The following CCR7 variants were observed in gnomAD, a reference collection of about 807,000 sequenced individuals.
The protein encoded by CCR7 is C-C motif chemokine receptor 7.
In CCR7, 11 loss-of-function variants were observed where a neutral mutation model predicts 26.0. The ratio of observed to expected loss-of-function variants is 0.42; its 90% CI spans 0.27 to 0.70. The LOEUF is 0.70. Ranked by LOEUF, CCR7 falls within the 30% of genes least tolerant of loss-of-function variation. The probability of loss-of-function intolerance (pLI) is 0.23; values close to 1 mark genes in which losing one functional copy is unlikely to be tolerated. For synonymous variants in CCR7, 189 were observed against 202.1 expected, an observed-to-expected ratio of 0.94 and a Z score of 0.55; for missense variants, 360 against 504.0, an observed-to-expected ratio of 0.71 and a Z score of 2.74.
At chr17:40,564,746 C>A (rs1241349376) in intron 1 of CCR7, among the ~76,000 whole-genome samples, 2 of 152,190 alleles carry the variant, frequency 1.3e-5, no homozygotes, top group Non-Finnish European at 2.9e-5. Context: ...AGCTGAGTGC[C>A]CCTTGCCATC....
rs1389241898 is a variant in CCR7 at position 40,554,720 on chromosome 17, C to G, written c.*22G>C. 6.4e-7 allele frequency: 1 copy of G among 1,568,312 alleles called. No homozygotes were observed. The highest frequency in any genetic ancestry group is 1.4e-5 in the African/African-American group (1 of 73,652). ...CCCAGGGACCCTGGGAGAGGTCCCT[C>G]TAGTCCAGGCAGAAGAGTCGCCTAT... On this transcript the variant is annotated 3_prime_UTR_variant, in exon 3 of 3. Coordinates refer to ENST00000246657, the MANE Select transcript of CCR7 (RefSeq NM_001838.4).
rs2036558632 is a variant in CCR7, at chr17:40,554,711, G to A, written c.*31C>T. ...TATCCCCACCCCAGGGACCCTGGGA[G>A]AGGTCCCTCTAGTCCAGGCAGAAGA... On this transcript the variant is annotated 3_prime_UTR_variant, in exon 3 of 3. Transcript: ENST00000246657. 4 of 1,503,498 alleles carry A rather than the reference G, an allele frequency of 2.7e-6. No individual in the cohort carries two copies. In the African/African-American group the frequency reaches 5.6e-5, roughly 21 times the overall value. The allele number at this position is 1,503,498 out of a possible 1,614,324, so 93.1% of individuals were successfully genotyped here.
In CCR7 at chr17:40,565,436, C is replaced by G; in HGVS notation, c.-27G>C. The G allele has an allele frequency of 6.2e-7, 1 of 1,612,834 alleles. No individual in the cohort carries two copies. Among genetic ancestry groups the G allele is most frequent in the Non-Finnish European group, 8.5e-7 (1 of 1,178,844 alleles). Reference sequence around the variant, plus strand: ...ACGCTCTCTGGGCGGTAAAACCACACAGGAAGGCTGTGCCCGGCCTCGCAC... The same window carrying G: ...ACGCTCTCTGGGCGGTAAAACCACAGAGGAAGGCTGTGCCCGGCCTCGCAC... On this transcript the variant is annotated 5_prime_UTR_variant, in exon 1 of 3. Coordinates refer to ENST00000246657, the MANE Select transcript of CCR7 (RefSeq NM_001838.4).
In CCR7 at chr17:40,555,354, G is replaced by A. The variant is rs2036572004; in HGVS notation, c.525C>T (p.Ser175=). The change falls in exon 3 of 3, where the codon AGC becomes AGT. Residue 175 remains serine (S), a synonymous_variant. Transcript: ENST00000246657. This position sits in a 1 kb window ranked among gnomAD's most constrained non-coding sequence, Gnocchi z 5.6. ...TCCAGATGCCCACACAGGACAGCTT[G>A]CTGATGAGAAGGACGCGGGCACGGT... is the stretch of plus-strand genomic sequence containing the variant. The part of the protein sequence containing the change: ...HRHRARVLLI[S]KLSCVGIWIL... 6.2e-7 allele frequency: 1 copy of A among 1,614,200 alleles called. No individual in the cohort carries two copies.
chr17:40,562,668 T>G (rs2036667411), intron 1 of CCR7, among the ~76,000 whole-genome samples: 3 of 152,202 alleles, frequency 2.0e-5, no homozygotes, highest in Admixed American at 6.5e-5. Flanking sequence ...GTACCACGTT[T>G]TAAGGATTGG....
At chr17:40,558,997 T>C in intron 1 of CCR7, 55 bp from the exon 2 acceptor site, 1 of 1,482,362 alleles carries the variant, frequency 6.7e-7, no homozygotes, top group South Asian at 1.2e-5. Flanking sequence ...TCTTTGTTAT[T>C]AAAGAAAGCA....
In CCR7 at chr17:40,565,437, A is replaced by G. The variant is rs752254779; in HGVS notation, c.-28T>C. 3.1e-6 allele frequency: 5 copies of G among 1,612,612 alleles called. No homozygotes were observed. The highest frequency in any genetic ancestry group is 4.2e-6 in the Non-Finnish European group (5 of 1,178,662). The stretch of plus-strand genomic sequence containing the variant: ...CGCTCTCTGGGCGGTAAAACCACAC[A>G]GGAAGGCTGTGCCCGGCCTCGCACT... On this transcript the variant is annotated 5_prime_UTR_variant, in exon 1 of 3. Transcript: ENST00000246657.
Position 40,553,946 on chromosome 17 carries a change from G to A in CCR7, c.*796C>T, listed in dbSNP as rs1414713861. 2.0e-5 allele frequency: 3 copies of A among 152,178 alleles called. No homozygotes were observed. Among genetic ancestry groups the A allele is most frequent in the Non-Finnish European group, 4.4e-5 (3 of 68,052 alleles). The allele number at this position is 152,178 out of a possible 1,614,324, so 9.4% of individuals were successfully genotyped here. ...CAAAGAACAAGCTCGTGGGCCTTGG[G>A]CGGCCACTGTCACCCTCCCCGCCCC... On this transcript the variant is annotated 3_prime_UTR_variant, in exon 3 of 3. Transcript: ENST00000246657.
At chr17:40,560,113 G>C (rs1035031566) in intron 1 of CCR7, among the ~76,000 whole-genome samples, 1 of 152,184 alleles carries the variant, frequency 6.6e-6, no homozygotes, top group Non-Finnish European at 1.5e-5. Flanking sequence ...GCTCAGTCTG[G>C]TTTTGTGGCT....
intron 1 of CCR7, 83 bp from the exon 2 acceptor site, chr17:40,559,025 G>T: frequency 8.7e-7 from 1 of 1,151,844 alleles, no homozygotes. Context: ...GGGAGACGCT[G>T]TTGGGAACTT....
At chr17:40,563,771 T>C (rs1046149871) in intron 1 of CCR7, among the ~76,000 whole-genome samples, 5 of 152,136 alleles carry the variant, frequency 3.3e-5, no homozygotes, top group Non-Finnish European at 5.9e-5. Flanking sequence ...TCTCCCTGCA[T>C]CAAAGCCTAG....
chr17:40,559,746 G>A (rs2036633780), intron 1 of CCR7, among the ~76,000 whole-genome samples: 1 of 152,184 alleles, frequency 6.6e-6, no homozygotes, highest in Non-Finnish European at 1.5e-5. Context: ...ATGAATATAT[G>A]AATGATAAAT....
chr17:40,554,684 C>T lies in CCR7; in HGVS notation c.*58G>A, dbSNP rs1006873994. ...ATGTCCTGAGTCATTGCATCTGCTC[C>T]CTATCCCCACCCCAGGGACCCTGGG... On this transcript the variant is annotated 3_prime_UTR_variant, in exon 3 of 3. Coordinates refer to ENST00000246657, the MANE Select transcript of CCR7 (RefSeq NM_001838.4). 7.3e-7 allele frequency: 1 copy of T among 1,377,464 alleles called. No individual in the cohort carries two copies. Among genetic ancestry groups the T allele is most frequent in the Non-Finnish European group, 1.0e-6 (1 of 1,002,558 alleles). 85.3% of individuals were successfully genotyped at this position (1,377,464 alleles called of 1,614,324 possible).
rs1597726125 is a variant in CCR7, at chr17:40,564,834, G to T, written c.10+566C>A. On this transcript the variant is annotated intron_variant, in intron 1 of 2. Transcript: ENST00000246657. ...CAGATCAAAGCAGGTGGGATGTGCA[G>T]CAGAGAGAAAGCAACCAGAGCTTGC... 2.0e-5 allele frequency among the ~76,000 whole-genome samples: 3 copies of T among 152,350 alleles called. No individual in the cohort carries two copies. The East Asian group carries it at 5.8e-4, about 29-fold the overall frequency.
At chr17:40,559,451 G>A (rs1397274765) in intron 1 of CCR7, among the ~76,000 whole-genome samples, 1 of 152,226 alleles carries the variant, frequency 6.6e-6, no homozygotes, top group Non-Finnish European at 1.5e-5. Flanking sequence ...GCAGCCACAC[G>A]TGCATGAAGC....
At chr17:40,562,474 A>G (rs2036665523) in intron 1 of CCR7, among the ~76,000 whole-genome samples, 1 of 151,884 alleles carries the variant, frequency 6.6e-6, no homozygotes, top group Admixed American at 6.6e-5. Context: ...CCATCCCCCA[A>G]CATCCCGGCC....
intron 2 of CCR7, among the ~76,000 whole-genome samples, chr17:40,558,061 G>A (rs944135702): frequency 3.3e-5 from 5 of 152,204 alleles, no homozygotes; most frequent in African/African-American, 9.7e-5. Flanking sequence ...CCTGCCTCTG[G>A]CCTGAGCTTC....
chr17:40,558,606 T>C (rs902501211), intron 2 of CCR7, among the ~76,000 whole-genome samples: 2 of 152,144 alleles, frequency 1.3e-5, no homozygotes, highest in African/African-American at 4.8e-5. Context: ...TCAGAGTCCA[T>C]ATTTCTGTCT....
At chr17:40,564,570 G>A (rs1320248893) in intron 1 of CCR7, among the ~76,000 whole-genome samples, 1 of 152,204 alleles carries the variant, frequency 6.6e-6, no homozygotes, top group Non-Finnish European at 1.5e-5. Context: ...GGGGGCGTCT[G>A]GAGCTGGATG....
Sources: allele counts gnomAD v4.1 joint callset (sites outside exome capture counted in the v4.1 genomes callset), GRCh38; gene constraint gnomAD v4.1.1; non-coding constraint Gnocchi (gnomAD v3.1); transcripts MANE v1.5; gene names NCBI Gene and HGNC (gene_info 2026-07-23, HGNC 2026-07-21).